ZMYM2: variants seen among roughly 807,000 people sequenced by gnomAD.
The protein encoded by ZMYM2 is zinc finger MYM-type protein 2.
A neutral mutation model predicts 162.8 loss-of-function variants in ZMYM2; 56 were observed. The observed-to-expected ratio is 0.34, with a 90% CI of 0.28 to 0.43. ZMYM2 has a LOEUF of 0.43. Among genes scored for constraint, ZMYM2 ranks in the 20% least tolerant of loss-of-function variants. The probability of loss-of-function intolerance (pLI) is 1.00; values close to 1 mark genes in which losing one functional copy is unlikely to be tolerated. For synonymous variants in ZMYM2, 510 were observed against 541.6 expected, an observed-to-expected ratio of 0.94 and a Z score of 0.81; for missense variants, 1,275 against 1,621.8, an observed-to-expected ratio of 0.79 and a Z score of 3.67.
intron 2 of ZMYM2, among the ~76,000 whole-genome samples, chr13:19,985,698 T>C (rs1276336369): frequency 6.7e-6 from 1 of 149,712 alleles, no homozygotes; most frequent in Non-Finnish European, 1.5e-5. Context: ...CGAGACTTGG[T>C]CTCAAAAAGG....
At chr13:19,898,762 C>T in the ZMYM2 span, among the ~76,000 whole-genome samples, 1 of 145,984 alleles carries the variant, frequency 6.9e-6, no homozygotes, top group African/African-American at 2.6e-5. Context: ...CCTGTCTCTA[C>T]AAAAATAAAA....
intron 9 of ZMYM2, among the ~76,000 whole-genome samples, chr13:20,030,398 A>ATTTT (rs537381497): frequency 2.6e-5 from 3 of 115,158 alleles, no homozygotes; most frequent in Non-Finnish European, 5.0e-5. Context: ...TGCTCAGCTA[A>ATTTT]TTTTTTTTTT....
chr13:19,982,257 T>C lies in ZMYM2; in HGVS notation c.-10-10806T>C, dbSNP rs560691332. 2.0e-5 allele frequency among the ~76,000 whole-genome samples: 3 copies of C among 151,510 alleles called. No homozygotes were observed. The South Asian group carries it at 6.3e-4, about 32-fold the overall frequency. On this transcript the variant is annotated intron_variant, in intron 2 of 24. Coordinates refer to ENST00000610343, the MANE Select transcript of ZMYM2 (RefSeq NM_197968.4). ...GGTTTCTAATTGCTTTTCAGTAGTT[T>C]TCACTGAGTTGTCTATTAGCTGTCT... is the stretch of plus-strand genomic sequence containing the variant.
At chr13:19,989,796 T>G (rs1229965352) in intron 2 of ZMYM2, among the ~76,000 whole-genome samples, 1 of 152,230 alleles carries the variant, frequency 6.6e-6, no homozygotes, top group Non-Finnish European at 1.5e-5. Context: ...CCACTACCCT[T>G]CTCAGCCTTT....
chr13:19,884,990 T>A, the ZMYM2 span, among the ~76,000 whole-genome samples: 1 of 152,154 alleles, frequency 6.6e-6, no homozygotes, highest in South Asian at 2.1e-4. Flanking sequence ...GAGTGCTGAT[T>A]GGTCCATTTT....
chr13:19,879,007 TG>T, the ZMYM2 span, among the ~76,000 whole-genome samples: 1 of 152,216 alleles, frequency 6.6e-6, no homozygotes, highest in Non-Finnish European at 1.5e-5. Flanking sequence ...AAGTCCAATT[TG>T]TCAATTTTTT....
chr13:19,932,343 C>T, the ZMYM2 span, among the ~76,000 whole-genome samples: 2 of 151,978 alleles, frequency 1.3e-5, no homozygotes, highest in East Asian at 3.9e-4. Context: ...CCGATTAGCG[C>T]ACTTATAAGA....
chr13:19,917,926 G>A, the ZMYM2 span, among the ~76,000 whole-genome samples: 3 of 152,008 alleles, frequency 2.0e-5, no homozygotes, highest in African/African-American at 7.2e-5. Flanking sequence ...GGGCATGGTG[G>A]CTTGCCTGTA....
intron 21 of ZMYM2, among the ~76,000 whole-genome samples, chr13:20,072,550 A>T (rs1348066749): frequency 2.0e-5 from 3 of 152,162 alleles, no homozygotes; most frequent in African/African-American, 4.8e-5. Context: ...AATAATTTTT[A>T]AAAAAGAGTT....
the ZMYM2 span, among the ~76,000 whole-genome samples, chr13:19,893,962 A>C: frequency 8.8e-3 from 1,335 of 151,948 alleles, 43 homozygotes; most frequent in African/African-American, 0.031. Flanking sequence ...TCTGAATTCA[A>C]TAATATAATG....
At chr13:19,923,152 C>A in the ZMYM2 span, among the ~76,000 whole-genome samples, 1 of 143,844 alleles carries the variant, frequency 7.0e-6, no homozygotes, top group Non-Finnish European at 1.5e-5. Context: ...ACAACTTGAA[C>A]ATGGCCAACA....
At chr13:19,867,702 T>C in the ZMYM2 span, among the ~76,000 whole-genome samples, 9 of 152,110 alleles carry the variant, frequency 5.9e-5, no homozygotes, top group Non-Finnish European at 4.4e-5. Context: ...CTTGGATCAC[T>C]GCAACCTCCG....
At chr13:20,041,426 T>C (rs1954237898) in intron 12 of ZMYM2, among the ~76,000 whole-genome samples, 1 of 152,246 alleles carries the variant, frequency 6.6e-6, no homozygotes, top group Admixed American at 6.5e-5. Context: ...CATCCCTTTA[T>C]TTTGAGCCTA....
chr13:19,872,993 C>G, the ZMYM2 span, among the ~76,000 whole-genome samples: 3 of 82,504 alleles, frequency 3.6e-5, no homozygotes, highest in Non-Finnish European at 1.0e-4. Context: ...GAGTGAGACT[C>G]TACCCCAAAA....
chr13:19,884,020 AGC>A, the ZMYM2 span, among the ~76,000 whole-genome samples: 1 of 152,210 alleles, frequency 6.6e-6, no homozygotes, highest in Non-Finnish European at 1.5e-5. Context: ...GACCTCCAAA[AGC>A]GCTGGGATCA....
chr13:20,061,966 G>A (rs1956268487), intron 17 of ZMYM2, among the ~76,000 whole-genome samples: 2 of 152,198 alleles, frequency 1.3e-5, no homozygotes. Flanking sequence ...TTAGGGCAGT[G>A]CTTGCGCTAC....
chr13:20,071,515 A>T (rs1323963223), intron 21 of ZMYM2, among the ~76,000 whole-genome samples: 1 of 152,130 alleles, frequency 6.6e-6, no homozygotes, highest in Admixed American at 6.5e-5. Flanking sequence ...CCTTATCTGG[A>T]TGAAGGATTT....
chr13:19,928,136 G>A, the ZMYM2 span, among the ~76,000 whole-genome samples: 1 of 152,126 alleles, frequency 6.6e-6, no homozygotes, highest in Non-Finnish European at 1.5e-5. Context: ...TTCTCGTGTA[G>A]CTGGGACTAC....
intron 2 of ZMYM2, among the ~76,000 whole-genome samples, chr13:19,977,712 G>T (rs1346382025): frequency 6.6e-6 from 1 of 150,816 alleles, no homozygotes; most frequent in Admixed American, 6.6e-5. Context: ...GGATGGTCTC[G>T]ATCTCCTGAC....
Sources: gnomAD v4.1 joint callset for allele counts (sites outside exome capture counted in the v4.1 genomes callset) on GRCh38, gnomAD v4.1.1 for gene constraint, MANE v1.5 for transcripts, NCBI Gene and HGNC (gene_info 2026-07-23, HGNC 2026-07-21) for gene names.